Variants in LMNTD1 observed in about 807,000 individuals in gnomAD.
LMNTD1 encodes lamin tail domain containing 1, also known as lamin tail domain-containing protein 1.
Under a neutral mutation model 50.9 loss-of-function variants are expected in LMNTD1, and 35 were observed. The ratio of observed to expected loss-of-function variants is 0.69; its 90% CI spans 0.53 to 0.91. The LOEUF (loss-of-function observed/expected upper bound fraction) is 0.91. LMNTD1 is among the 40% of genes least tolerant of loss of function. The pLI is 0.00. For missense variants in LMNTD1, 470 were observed against 475.5 expected, an observed-to-expected ratio of 0.99 and a Z score of 0.11; for synonymous variants, 153 against 161.9, an observed-to-expected ratio of 0.94 and a Z score of 0.42.
intron 9 of LMNTD1, among the ~76,000 whole-genome samples, chr12:25,490,641 A>C (rs1938852788): frequency 6.6e-6 from 1 of 152,200 alleles, no homozygotes. Context: ...ATTTTTGGAC[A>C]GTTATTTTGC....
At position 25,493,122 on chromosome 12, in the gene LMNTD1, A is replaced by G. The variant is rs570485781; in HGVS notation, c.*22+10616T>C. ...AGGATTTTGTATTTGGTTTTGTTGT[A>G]GTACTTCTATGATTCTTTAAATATT... On this transcript the variant is annotated intron_variant, in intron 9 of 9. Transcript: ENST00000458174. 3.3e-5 allele frequency among the ~76,000 whole-genome samples: 5 copies of G among 152,274 alleles called. No homozygotes were observed. In the East Asian group the frequency reaches 7.7e-4, roughly 23 times the overall value.
intron 1 of LMNTD1, among the ~76,000 whole-genome samples, chr12:25,596,180 A>T (rs921914992): frequency 6.6e-6 from 1 of 152,116 alleles, no homozygotes; most frequent in Non-Finnish European, 1.5e-5. Context: ...TGTTGACACT[A>T]TTCCAGAAGA....
At chr12:25,563,525 C>T (rs1018658543) in intron 1 of LMNTD1, among the ~76,000 whole-genome samples, 5 of 152,174 alleles carry the variant, frequency 3.3e-5, no homozygotes, top group South Asian at 2.1e-4. Flanking sequence ...CAGAGGGGCA[C>T]CCGGCTGTAT....
intron 1 of LMNTD1, among the ~76,000 whole-genome samples, chr12:25,636,291 T>A (rs7968169): frequency 0.62 from 94,005 of 151,364 alleles, 29,500 homozygotes; most frequent in Non-Finnish European, 0.68. Flanking sequence ...TCAGTAAGAT[T>A]AAAAAAAACA....
intron 4 of LMNTD1, among the ~76,000 whole-genome samples, chr12:25,537,786 G>T (rs1942719500): frequency 6.6e-6 from 1 of 152,072 alleles, no homozygotes; most frequent in South Asian, 2.1e-4. Context: ...AGCTATGGGA[G>T]GACATTCAAA....
At chr12:25,633,436 G>A (rs1442096309) in intron 1 of LMNTD1, among the ~76,000 whole-genome samples, 1 of 152,094 alleles carries the variant, frequency 6.6e-6, no homozygotes, top group Non-Finnish European at 1.5e-5. Context: ...CATAAAAGGA[G>A]CCTCAATACA....
At chr12:25,495,249 C>CATGTGTGT (rs71449919) in intron 9 of LMNTD1, among the ~76,000 whole-genome samples, 1 of 144,668 alleles carries the variant, frequency 6.9e-6, no homozygotes, top group African/African-American at 2.6e-5. Flanking sequence ...AAAGTGTGTA[C>CATGTGTGT]GTGTGTGTGT....
chr12:25,636,342 T>C (rs559677624), intron 1 of LMNTD1, among the ~76,000 whole-genome samples: 2 of 152,070 alleles, frequency 1.3e-5, no homozygotes, highest in South Asian at 2.1e-4. Context: ...TAGACAATTC[T>C]CAAAAGAAGA....
At chr12:25,542,411 G>A (rs1194064969) in intron 4 of LMNTD1, among the ~76,000 whole-genome samples, 2 of 150,722 alleles carry the variant, frequency 1.3e-5, no homozygotes, top group African/African-American at 2.4e-5. Flanking sequence ...ATGAGTTCAT[G>A]TCCTTTGTAG....
At chr12:25,490,236 T>C (rs1015640609) in intron 9 of LMNTD1, among the ~76,000 whole-genome samples, 4 of 152,230 alleles carry the variant, frequency 2.6e-5, no homozygotes, top group African/African-American at 7.2e-5. Context: ...TGACAGATAT[T>C]CACAATGGGT....
chr12:25,586,727 G>C (rs994729316), intron 1 of LMNTD1, among the ~76,000 whole-genome samples: 2 of 152,196 alleles, frequency 1.3e-5, no homozygotes, highest in Non-Finnish European at 2.9e-5. Context: ...CAACAATATA[G>C]GAAGGGGCTG....
intron 1 of LMNTD1, among the ~76,000 whole-genome samples, chr12:25,607,584 T>G (rs1096009): frequency 0.94 from 142,709 of 152,212 alleles, 67,621 homozygotes; most frequent in East Asian, 1. Flanking sequence ...CCTTCATTTC[T>G]TTATGTACCC....
rs1941757591 is a variant in LMNTD1 at position 25,526,861 on chromosome 12, C to T, written c.586G>A (p.Asp196Asn). Residue 196 changes from aspartate (D) to asparagine (N), a missense_variant, in exon 5 of 10, where the codon GAT (aspartate) becomes AAT (asparagine). Transcript: ENST00000458174. ...SSLDKEMAIG[D>N]HILQQNVNGQ... ...TTCACATTTTGCTGGAGAATATGAT[C>T]TCCAATTGCCATTTCTTTGTCAAGG... The T allele has an allele frequency of 4.3e-6, 7 of 1,613,200 alleles. No homozygotes were observed. The highest frequency in any genetic ancestry group is 5.9e-6 in the Non-Finnish European group (7 of 1,179,322).
chr12:25,648,379 T>C, intron 1 of LMNTD1: 1 of 789,098 alleles, frequency 1.3e-6, no homozygotes, highest in Non-Finnish European at 2.1e-6. Flanking sequence ...TTCTTATATC[T>C]CAGTGATGAC....
chr12:25,570,262 C>T (rs1476543426), intron 1 of LMNTD1, among the ~76,000 whole-genome samples: 2 of 152,058 alleles, frequency 1.3e-5, no homozygotes, highest in Non-Finnish European at 2.9e-5. Flanking sequence ...AAATATAGTG[C>T]ATGACAGAAT....
chr12:25,592,547 G>A (rs1334459233), intron 1 of LMNTD1: 1 of 152,256 alleles, frequency 6.6e-6, no homozygotes, highest in African/African-American at 2.4e-5. Flanking sequence ...AGAGGAAGCA[G>A]CGGGAAAAGC....
Position 25,525,604 on chromosome 12 carries a change from C to T in LMNTD1, c.798+495G>A, listed in dbSNP as rs80353862. 2.0e-4 allele frequency among the ~76,000 whole-genome samples: 30 copies of T among 152,188 alleles called. No homozygotes were observed. In the East Asian group the frequency reaches 3.7e-3, roughly 19 times the overall value. On this transcript the variant is annotated intron_variant, in intron 6 of 9. Transcript: ENST00000458174. ...TATTTTTGCCAAATTGTAAGTAACT[C>T]TTGGGCCCTTTGACATTGGGAAGAG...
At chr12:25,491,441 G>A (rs1474849911) in intron 9 of LMNTD1, among the ~76,000 whole-genome samples, 2 of 152,180 alleles carry the variant, frequency 1.3e-5, no homozygotes, top group African/African-American at 4.8e-5. Context: ...GAGAAAGGAA[G>A]GTTGATGGAG....
chr12:25,495,249 C>CGTGTGTGTGTGTGTGTGTGTGT (rs1207389869), intron 9 of LMNTD1, among the ~76,000 whole-genome samples: 1 of 144,668 alleles, frequency 6.9e-6, no homozygotes, highest in Admixed American at 7.0e-5. Context: ...AAAGTGTGTA[C>CGTGTGTGTGTGTGTGTGTGTGT]GTGTGTGTGT....
Sources: allele counts gnomAD v4.1 joint callset (sites outside exome capture counted in the v4.1 genomes callset), GRCh38; gene constraint gnomAD v4.1.1; transcripts MANE v1.5; gene names NCBI Gene and HGNC (gene_info 2026-07-23, HGNC 2026-07-21).